The following NRG3 variants were observed in gnomAD, a reference collection of about 807,000 sequenced individuals.
NRG3 encodes the protein neuregulin 3.
In NRG3, 31 loss-of-function variants were observed where a neutral mutation model predicts 66.9. That is an observed-to-expected ratio of 0.46 (90% CI 0.35 to 0.63). The LOEUF is 0.63. NRG3 is among the 20% of genes least tolerant of loss of function. The pLI is 0.00. For synonymous variants in NRG3, 393 were observed against 359.4 expected, an observed-to-expected ratio of 1.09 and a Z score of -1.06; for missense variants, 910 against 878.9, an observed-to-expected ratio of 1.04 and a Z score of -0.45.
chr10:82,311,288 A>T (rs780220347), intron 1 of NRG3, among the ~76,000 whole-genome samples: 1 of 152,170 alleles, frequency 6.6e-6, no homozygotes, highest in Non-Finnish European at 1.5e-5. Flanking sequence ...TATTTCTATT[A>T]AATGTCTATA....
intron 2 of NRG3, among the ~76,000 whole-genome samples, chr10:82,383,013 A>G (rs976665358): frequency 1.3e-5 from 2 of 151,980 alleles, no homozygotes; most frequent in African/African-American, 4.8e-5. Flanking sequence ...GCTTTATTAC[A>G]TTAGATATCA....
intron 4 of NRG3, among the ~76,000 whole-genome samples, chr10:82,917,689 T>A (rs1845978415): frequency 6.6e-6 from 1 of 152,096 alleles, no homozygotes; most frequent in South Asian, 2.1e-4. Context: ...ATCTTGAATA[T>A]CCTGGAATAA....
chr10:82,102,106 G>A (rs1225881742), intron 1 of NRG3, among the ~76,000 whole-genome samples: 7 of 100,894 alleles, frequency 6.9e-5, no homozygotes, highest in East Asian at 6.6e-4. Flanking sequence ...ATATATATAT[G>A]TGTATTCATA....
chr10:82,221,310 A>C (rs1374281317), intron 1 of NRG3, among the ~76,000 whole-genome samples: 1 of 151,696 alleles, frequency 6.6e-6, no homozygotes, highest in African/African-American at 2.4e-5. Flanking sequence ...AGTCAAAAGC[A>C]GTCATTCCAA....
chr10:82,428,933 T>C (rs967657562), intron 2 of NRG3, among the ~76,000 whole-genome samples: 2 of 152,040 alleles, frequency 1.3e-5, no homozygotes, highest in Non-Finnish European at 2.9e-5. Flanking sequence ...CGTATATTAC[T>C]GATACATTAA....
intron 1 of NRG3, among the ~76,000 whole-genome samples, chr10:82,299,030 A>T (rs906180370): frequency 6.6e-6 from 1 of 151,996 alleles, no homozygotes; most frequent in African/African-American, 2.4e-5. Context: ...TGGTTTTCTG[A>T]CCCTGGAAGT....
At chr10:82,365,813 A>G (rs2084483636) in intron 2 of NRG3, among the ~76,000 whole-genome samples, 2 of 152,302 alleles carry the variant, frequency 1.3e-5, no homozygotes, top group Non-Finnish European at 2.9e-5. Flanking sequence ...TTATTAGCCA[A>G]AGATTACTTT....
intron 1 of NRG3, among the ~76,000 whole-genome samples, chr10:81,922,381 A>G (rs1846337436): frequency 6.6e-6 from 1 of 152,134 alleles, no homozygotes; most frequent in Non-Finnish European, 1.5e-5. Flanking sequence ...TGTACCACTT[A>G]AGTAATTTCT....
At chr10:82,719,015 G>T (rs1307433983) in intron 2 of NRG3, among the ~76,000 whole-genome samples, 1 of 152,116 alleles carries the variant, frequency 6.6e-6, no homozygotes, top group African/African-American at 2.4e-5. Context: ...CTTCAAAAAC[G>T]TTTATGAGCT....
intron 2 of NRG3, among the ~76,000 whole-genome samples, chr10:82,578,737 T>C (rs1470270352): frequency 6.6e-6 from 1 of 151,784 alleles, no homozygotes; most frequent in Admixed American, 6.6e-5. Flanking sequence ...TGCTAAATTG[T>C]TTATGTCCAT....
intron 1 of NRG3, among the ~76,000 whole-genome samples, chr10:82,020,391 A>G (rs2062006014): frequency 6.6e-6 from 1 of 152,090 alleles, no homozygotes; most frequent in African/African-American, 2.4e-5. Flanking sequence ...ACTAGGTATA[A>G]GGAACTGTCC....
At chr10:82,841,196 A>T (rs962106142) in intron 3 of NRG3, among the ~76,000 whole-genome samples, 2 of 152,170 alleles carry the variant, frequency 1.3e-5, no homozygotes, top group African/African-American at 4.8e-5. Context: ...GCAAGGAAGG[A>T]TTCTTTCCTA....
chr10:82,220,932 T>A (rs1165407554), intron 1 of NRG3, among the ~76,000 whole-genome samples: 2 of 152,162 alleles, frequency 1.3e-5, no homozygotes, highest in African/African-American at 4.8e-5. Context: ...TGCAGTGAGC[T>A]ATGATCATAC....
At chr10:82,716,822 G>A (rs55748550) in intron 2 of NRG3, among the ~76,000 whole-genome samples, 1 of 152,070 alleles carries the variant, frequency 6.6e-6, no homozygotes, top group South Asian at 2.1e-4. Context: ...GATCCATAAA[G>A]AGCAACTGGT....
At chr10:82,422,581 A>C (rs2089160562) in intron 2 of NRG3, among the ~76,000 whole-genome samples, 1 of 152,076 alleles carries the variant, frequency 6.6e-6, no homozygotes, top group Non-Finnish European at 1.5e-5. Context: ...GAGAAATTGC[A>C]AGCAGTGCCT....
intron 1 of NRG3, among the ~76,000 whole-genome samples, chr10:82,342,098 G>GATATAT (rs142935379): frequency 1.3e-5 from 2 of 150,120 alleles, no homozygotes; most frequent in African/African-American, 4.9e-5. Flanking sequence ...CATACTATAT[G>GATATAT]ATATATATAT....
chr10:81,985,487 G>T (rs1031848299), intron 1 of NRG3, among the ~76,000 whole-genome samples: 4 of 152,080 alleles, frequency 2.6e-5, no homozygotes, highest in African/African-American at 9.7e-5. Context: ...GTCTATAATC[G>T]CTATCAATGA....
At chr10:82,877,667 G>GCT (rs1841960259) in intron 4 of NRG3, among the ~76,000 whole-genome samples, 1 of 151,436 alleles carries the variant, frequency 6.6e-6, no homozygotes, top group Non-Finnish European at 1.5e-5. Context: ...GGGATTACAG[G>GCT]CATGAGCCAC....
chr10:81,876,009 C>A lies in NRG3; in HGVS notation c.669C>A (p.Ser223=), dbSNP rs774766661. ...CTCCAAGTACCCAGGCAATGCCCTCCTGGCCTACTGCGGCATACGCTACCT... is the reference window on the plus strand; with the variant it reads ...CTCCAAGTACCCAGGCAATGCCCTCATGGCCTACTGCGGCATACGCTACCT... The part of the protein sequence containing the change: ...PGTPSTQAMP[S]WPTAAYATSS... The change falls in exon 1 of 9, where the codon TCC becomes TCA. Residue 223 remains serine (S), a synonymous_variant. Transcript: ENST00000372141. 1 of 1,614,066 alleles carries A rather than the reference C, an allele frequency of 6.2e-7. No homozygotes were observed. The highest frequency in any genetic ancestry group is 1.7e-5 in the Admixed American group (1 of 60,028).
Sources: allele counts gnomAD v4.1 joint callset (sites outside exome capture counted in the v4.1 genomes callset), GRCh38; gene constraint gnomAD v4.1.1; transcripts MANE v1.5; gene names NCBI Gene and HGNC (gene_info 2026-07-23, HGNC 2026-07-21).